Variants in STX2 observed in about 807,000 individuals in gnomAD.
STX2 encodes the protein syntaxin-2.
Under a neutral mutation model 40.6 loss-of-function variants are expected in STX2, and 27 were observed. That is an observed-to-expected ratio of 0.66 (90% CI 0.49 to 0.92). The LOEUF (loss-of-function observed/expected upper bound fraction) is 0.92, where lower values mean the gene tolerates loss of function less well. Among genes scored for constraint, STX2 ranks in the 40% least tolerant of loss-of-function variants. STX2 has a pLI of 0.00. For missense variants in STX2, 328 were observed against 366.1 expected, an observed-to-expected ratio of 0.90 and a Z score of 0.85; for synonymous variants, 123 against 119.1, an observed-to-expected ratio of 1.03 and a Z score of -0.22.
chr12:130,801,177 G>A lies in STX2; in HGVS notation c.651C>T (p.Asp217=), dbSNP rs1394306776. The A allele has an allele frequency of 6.2e-7, 1 of 1,613,582 alleles. No individual in the cohort carries two copies. Among genetic ancestry groups the A allele is most frequent in the Admixed American group, 1.7e-5 (1 of 60,008 alleles). ...SIRELHEMFM[D]MAMFVETQGE... ...CCTGAGTCTCCACAAACATAGCCAT[G>A]TCCATGAACATCTCATGCAACTCTC... Residue 217 remains aspartate, a synonymous_variant, in exon 8 of 11, where the codon GAC becomes GAT. Transcript: ENST00000392373.
At position 130,821,587 on chromosome 12, in the gene STX2, T is replaced by C; in HGVS notation, c.205+102A>G. Reference sequence around the variant, plus strand: ...TAGGGTGTCAGCATTTCATACAAACTCCCCTGAATCTCCCGTGAGGCCAGA... The same window carrying C: ...TAGGGTGTCAGCATTTCATACAAACCCCCCTGAATCTCCCGTGAGGCCAGA... On this transcript the variant is annotated intron_variant, in intron 3 of 10. Transcript: ENST00000392373. The C allele has an allele frequency of 4.3e-6, 4 of 927,364 alleles. No homozygotes were observed. In the South Asian group the frequency reaches 6.0e-5, roughly 14 times the overall value. The allele number at this position is 927,364 out of a possible 1,614,324, so 57.4% of individuals were successfully genotyped here. A position where few individuals can be genotyped will look rare whatever the true frequency, so the allele number is the denominator to read the frequency against.
Position 130,839,173 on chromosome 12 carries a change from C to T in STX2, c.-74G>A, listed in dbSNP as rs948944577. The stretch of plus-strand genomic sequence containing the variant: ...GCCTCCGGCCGGGCCTCGGGCTCTC[C>T]GGTCTCCGCCTCAGGCCCCGCGGTC... On this transcript the variant is annotated 5_prime_UTR_variant, in exon 1 of 11. Coordinates refer to ENST00000392373, the MANE Select transcript of STX2 (RefSeq NM_194356.4). 1.8e-6 allele frequency: 2 copies of T among 1,123,422 alleles called. No individual in the cohort carries two copies. Among genetic ancestry groups the T allele is most frequent in the Non-Finnish European group, 1.1e-6 (1 of 917,054 alleles). The allele number at this position is 1,123,422 out of a possible 1,614,324, so 69.6% of individuals were successfully genotyped here. A position where few individuals can be genotyped will look rare whatever the true frequency, so the allele number is the denominator to read the frequency against.
In STX2 at chr12:130,798,549, G is replaced by A. The variant is rs762350906; in HGVS notation, c.762C>T (p.Ile254=). 1 of 1,603,962 alleles carries A rather than the reference G, an allele frequency of 6.2e-7. No homozygotes were observed. The highest frequency in any genetic ancestry group is 8.5e-7 in the Non-Finnish European group (1 of 1,177,232). Residue 254 remains isoleucine (I), a synonymous_variant, in exon 9 of 11, where the codon ATC becomes ATT. Transcript: ENST00000392373. ...EHAKEETKKA[I]KYQSKARRKK... ...CCCTTCTTGCCTTGCTCTGATATTTGATAGCTTTTTTTGTTTCTTCTTTAG... is the reference window on the plus strand; with the variant it reads ...CCCTTCTTGCCTTGCTCTGATATTTAATAGCTTTTTTTGTTTCTTCTTTAG...
intron 10 of STX2, among the ~76,000 whole-genome samples, chr12:130,795,787 T>C (rs1351421931): frequency 2.0e-5 from 3 of 152,082 alleles, no homozygotes; most frequent in Admixed American, 1.3e-4. Context: ...GGTTTAAAAA[T>C]GAGTTACCGC....
intron 6 of STX2, 59 bp downstream of exon 6, chr12:130,806,923 A>AGTGAGACCTTAAGG: frequency 6.9e-7 from 1 of 1,457,278 alleles, no homozygotes; most frequent in Non-Finnish European, 9.6e-7. Flanking sequence ...AGTCATTTGA[A>AGTGAGACCTTAAGG]GTGAGACCTT....
At chr12:130,835,966 A>C (rs1415555891) in intron 1 of STX2, among the ~76,000 whole-genome samples, 2 of 148,078 alleles carry the variant, frequency 1.4e-5, no homozygotes, top group African/African-American at 5.3e-5. Context: ...TCAGCAGCTA[A>C]GAAAAGAAAC....
At chr12:130,800,593 G>A (rs141712130) in intron 8 of STX2, among the ~76,000 whole-genome samples, 214 of 152,332 alleles carry the variant, frequency 1.4e-3, no homozygotes, top group African/African-American at 5.1e-3. Flanking sequence ...ACTTGGGGTT[G>A]ATTCTTTCAG....
chr12:130,793,261 C>G (rs545217903), intron 10 of STX2, among the ~76,000 whole-genome samples: 1 of 152,162 alleles, frequency 6.6e-6, no homozygotes, highest in Non-Finnish European at 1.5e-5. Flanking sequence ...GTTAACATCA[C>G]GCACATTTCC....
intron 2 of STX2, among the ~76,000 whole-genome samples, chr12:130,824,438 T>A (rs564098989): frequency 6.6e-6 from 1 of 152,108 alleles, no homozygotes. Context: ...TGTTAGAAAG[T>A]AAAAGAAAAA....
chr12:130,803,666 C>CAAAAAA (rs869033438), intron 6 of STX2, among the ~76,000 whole-genome samples: 1 of 16,740 alleles, frequency 6.0e-5, no homozygotes, highest in Non-Finnish European at 1.3e-4. Context: ...GGCTCTCTCT[C>CAAAAAA]AAAAAAAAAA....
chr12:130,836,087 G>A (rs1952748323), intron 1 of STX2, among the ~76,000 whole-genome samples: 1 of 150,488 alleles, frequency 6.6e-6, no homozygotes, highest in Non-Finnish European at 1.5e-5. Flanking sequence ...TTACAAGCAC[G>A]GTTGTGAGTA....
chr12:130,795,511 A>T (rs1338669088), intron 10 of STX2, among the ~76,000 whole-genome samples: 1 of 152,202 alleles, frequency 6.6e-6, no homozygotes, highest in Non-Finnish European at 1.5e-5. Context: ...GCACTTTGGG[A>T]GGCTGAGGGC....
At chr12:130,817,837 A>C (rs1005859746) in intron 3 of STX2, among the ~76,000 whole-genome samples, 2 of 152,184 alleles carry the variant, frequency 1.3e-5, no homozygotes, top group African/African-American at 4.8e-5. Context: ...TTCGAGAATA[A>C]TACTAAACTG....
chr12:130,825,209 G>C (rs947424848), intron 2 of STX2, among the ~76,000 whole-genome samples: 4 of 152,040 alleles, frequency 2.6e-5, no homozygotes, highest in African/African-American at 7.2e-5. Flanking sequence ...GCTAATTTTT[G>C]TATTTTTAGT....
At chr12:130,835,724 T>C (rs557179163) in intron 1 of STX2, among the ~76,000 whole-genome samples, 61 of 152,316 alleles carry the variant, frequency 4.0e-4, no homozygotes, top group Non-Finnish European at 7.5e-4. Flanking sequence ...TTCAAGTACC[T>C]GCTGGATGGG....
intron 6 of STX2, among the ~76,000 whole-genome samples, chr12:130,805,192 C>T (rs566315386): frequency 1.3e-5 from 2 of 152,310 alleles, no homozygotes; most frequent in South Asian, 4.1e-4. Flanking sequence ...TAGTCGACAT[C>T]ATGATTGAGC....
At chr12:130,837,082 G>A (rs1247339900) in intron 1 of STX2, among the ~76,000 whole-genome samples, 1 of 150,834 alleles carries the variant, frequency 6.6e-6, no homozygotes, top group Non-Finnish European at 1.5e-5. Flanking sequence ...AATAGTCACA[G>A]CTCTCACGTT....
In STX2 at chr12:130,796,044, T is replaced by A. The variant is rs1951018198; in HGVS notation, c.863A>T (p.Lys288Ile). The change falls in exon 10 of 11, where the codon AAA becomes ATA. Residue 288 changes from lysine to isoleucine, a missense_variant. Transcript: ENST00000392373. ...IALIIGLSVG[K>I] ...ACACTGACGTTATCCACACCATCAT[T>A]TGCCAACTGACAAGCCAATAATTAG... 5 of 1,614,162 alleles carry A rather than the reference T, an allele frequency of 3.1e-6. No individual in the cohort carries two copies. The highest frequency in any genetic ancestry group is 4.2e-6 in the Non-Finnish European group (5 of 1,180,012).
rs184023115 is a variant in STX2, at chr12:130,802,399, T to C, written c.464-911A>G. On this transcript the variant is annotated intron_variant, in intron 6 of 10. Coordinates refer to ENST00000392373, the MANE Select transcript of STX2 (RefSeq NM_194356.4). The stretch of plus-strand genomic sequence containing the variant: ...TTTTAGTAGAGGTGGGGTTTCACCA[T>C]TTTGGCCAGGCTGGTCTCGAACTCC... 3.9e-5 allele frequency among the ~76,000 whole-genome samples: 6 copies of C among 152,306 alleles called. No individual in the cohort carries two copies. The East Asian group carries it at 1.2e-3, about 29-fold the overall frequency.
Sources: gnomAD v4.1 joint callset for allele counts (sites outside exome capture counted in the v4.1 genomes callset) on GRCh38, gnomAD v4.1.1 for gene constraint, MANE v1.5 for transcripts, NCBI Gene and HGNC (gene_info 2026-07-23, HGNC 2026-07-21) for gene names.